Variants in SLCO1B1 observed in about 807,000 individuals in gnomAD.
SLCO1B1 encodes OATP-2.
Under a neutral mutation model 70.1 loss-of-function variants are expected in SLCO1B1, and 81 were observed. That is an observed-to-expected ratio of 1.16 (90% CI 0.97 to 1.39). The LOEUF is 1.39. SLCO1B1 is among the 40% of genes most tolerant of loss of function. The pLI, the probability that SLCO1B1 is intolerant of heterozygous loss-of-function variation, is 0.00. For missense variants in SLCO1B1, 895 were observed against 799.6 expected (o/e 1.12, Z -1.44); for synonymous variants, 283 against 271.5 (o/e 1.04, Z -0.42).
chr12:21,231,531 GAC>G (rs1941538031), intron 14 of SLCO1B1, among the ~76,000 whole-genome samples: 1 of 151,718 alleles, frequency 6.6e-6, no homozygotes, highest in Non-Finnish European at 1.5e-5. Flanking sequence ...GGGGCAAAAA[GAC>G]AGACTGAGGA....
At chr12:21,186,516 A>G (rs1940963581) in intron 7 of SLCO1B1, among the ~76,000 whole-genome samples, 1 of 152,102 alleles carries the variant, frequency 6.6e-6, no homozygotes, top group Non-Finnish European at 1.5e-5. Context: ...ATGAATTGCC[A>G]CTAGTGATGC....
At chr12:21,185,841 G>GA (rs1039898718) in intron 7 of SLCO1B1, among the ~76,000 whole-genome samples, 2 of 151,726 alleles carry the variant, frequency 1.3e-5, no homozygotes, top group Non-Finnish European at 2.9e-5. Flanking sequence ...GATTAACAAG[G>GA]AAAAAAAGGA....
At chr12:21,182,266 A>G (rs1208888331) in intron 7 of SLCO1B1, among the ~76,000 whole-genome samples, 1 of 152,088 alleles carries the variant, frequency 6.6e-6, no homozygotes, top group Non-Finnish European at 1.5e-5. Flanking sequence ...CTGGGATCCT[A>G]CCTACAAGAG....
In SLCO1B1 at chr12:21,207,368, C is replaced by G. The variant is rs571171883; in HGVS notation, c.1497+1335C>G. Among the ~76,000 whole-genome samples the G allele has an allele frequency of 2.0e-3, 311 of 152,050 alleles. 1 individual carries two copies. The highest frequency in any genetic ancestry group is 5.9e-3 in the Admixed American group (90 of 15,216). ...GTGTGGACCCAGTGATTAGCTTCCA[C>G]TTATAAGTGAGAACATGTGGCATCT... On this transcript the variant is annotated intron_variant, in intron 11 of 14. Transcript: ENST00000256958.
chr12:21,207,417 C>T (rs1253646037), intron 11 of SLCO1B1, among the ~76,000 whole-genome samples: 2 of 151,960 alleles, frequency 1.3e-5, no homozygotes, highest in African/African-American at 2.4e-5. Flanking sequence ...TATGTTAATT[C>T]ACTTAAGATA....
chr12:21,215,721 C>CA (rs1002542569), intron 11 of SLCO1B1, among the ~76,000 whole-genome samples: 86 of 152,104 alleles, frequency 5.7e-4, no homozygotes, highest in African/African-American at 1.8e-3. Context: ...ATTCTGGCTT[C>CA]AAAAAAATCA....
intron 2 of SLCO1B1, among the ~76,000 whole-genome samples, chr12:21,168,183 A>G (rs1420440202): frequency 6.6e-6 from 1 of 150,488 alleles, no homozygotes; most frequent in Non-Finnish European, 1.5e-5. Context: ...TGGCTTATTT[A>G]GCTTAGCATA....
In SLCO1B1 at chr12:21,217,300, TTAAG is replaced by T. The variant is rs780849037; in HGVS notation, c.1682+4_1682+7del. ...GGCACCTCACATGTCATGCTGATTG[TTAAG>T]TAAGTATGACTTTTAAAAACATTTT... On this transcript the variant is annotated splice_donor_variant and coding_sequence_variant, in exon 12 of 15. Transcript: ENST00000256958. LOFTEE classifies it high-confidence loss of function. 15 of 1,612,874 alleles carry T rather than the reference TTAAG, an allele frequency of 9.3e-6. No individual in the cohort carries two copies. Among genetic ancestry groups the T allele is most frequent in the East Asian group, 2.2e-5 (1 of 44,826 alleles).
chr12:21,137,765 T>C (rs1364274150), intron 1 of SLCO1B1, among the ~76,000 whole-genome samples: 1 of 152,222 alleles, frequency 6.6e-6, no homozygotes, highest in Non-Finnish European at 1.5e-5. Context: ...GAAAGGGAAT[T>C]CCCTGACCCC....
intron 2 of SLCO1B1, among the ~76,000 whole-genome samples, chr12:21,154,633 A>G (rs1254151827): frequency 6.6e-6 from 1 of 152,086 alleles, no homozygotes; most frequent in Non-Finnish European, 1.5e-5. Flanking sequence ...TCTAGACACT[A>G]TGACTATTTT....
intron 10 of SLCO1B1, among the ~76,000 whole-genome samples, chr12:21,203,626 G>T (rs952789076): frequency 1.3e-4 from 19 of 151,988 alleles, no homozygotes; most frequent in Non-Finnish European, 1.5e-5. Context: ...GCTTGCCAAG[G>T]TTATCTGAAA....
intron 8 of SLCO1B1, among the ~76,000 whole-genome samples, chr12:21,199,486 T>C (rs1941131418): frequency 6.6e-6 from 1 of 152,112 alleles, no homozygotes; most frequent in African/African-American, 2.4e-5. Flanking sequence ...CACAATATTA[T>C]CCCCTGGCTG....
At chr12:21,214,946 G>A (rs1042947526) in intron 11 of SLCO1B1, among the ~76,000 whole-genome samples, 10 of 151,934 alleles carry the variant, frequency 6.6e-5, no homozygotes, top group East Asian at 3.9e-4. Flanking sequence ...CGCACCCACT[G>A]ACCTGCGCCC....
intron 7 of SLCO1B1, among the ~76,000 whole-genome samples, chr12:21,190,701 C>T (rs1251400998): frequency 6.6e-6 from 1 of 152,042 alleles, no homozygotes; most frequent in Non-Finnish European, 1.5e-5. Flanking sequence ...CTCCTAAATC[C>T]ACCACATCAA....
In SLCO1B1 at chr12:21,239,534, T is replaced by G. The variant is rs1382717752; in HGVS notation, c.*345T>G. ...AAATGAGTATCATACAGGTAGAGGT[T>G]AAAAAGGAGGAGCTAGATTCATATC... On this transcript the variant is annotated 3_prime_UTR_variant, in exon 15 of 15. Coordinates refer to ENST00000256958, the MANE Select transcript of SLCO1B1 (RefSeq NM_006446.5). Among the ~76,000 whole-genome samples the G allele has an allele frequency of 6.6e-6, 1 of 152,156 alleles. No individual in the cohort carries two copies. Among genetic ancestry groups the G allele is most frequent in the African/African-American group, 2.4e-5 (1 of 41,454 alleles).
intron 11 of SLCO1B1, among the ~76,000 whole-genome samples, chr12:21,211,179 A>G (rs1366653460): frequency 1.3e-5 from 2 of 152,160 alleles, no homozygotes; most frequent in Admixed American, 1.3e-4. Flanking sequence ...CCCATTCAGT[A>G]TGATATTGGC....
intron 2 of SLCO1B1, among the ~76,000 whole-genome samples, chr12:21,148,055 G>T (rs2121052759): frequency 6.6e-6 from 1 of 152,212 alleles, no homozygotes; most frequent in South Asian, 2.1e-4. Flanking sequence ...TGATGGCATT[G>T]TTTGTTTCTT....
chr12:21,209,640 T>C (rs1941256013), intron 11 of SLCO1B1, among the ~76,000 whole-genome samples: 1 of 152,030 alleles, frequency 6.6e-6, no homozygotes, highest in South Asian at 2.1e-4. Context: ...CCACACTGAC[T>C]TCCACAATGG....
Position 21,205,850 on chromosome 12 carries a change from T to C in SLCO1B1, c.1332-18T>C. On this transcript the variant is annotated intron_variant, in intron 10 of 14. Transcript: ENST00000256958. ...TCTCTCTCTCTCTTTTTGATATATG[T>C]CTATCATATATTTCCAGAAATAATC... 6.5e-7 allele frequency: 1 copy of C among 1,548,964 alleles called. No individual in the cohort carries two copies. Among genetic ancestry groups the C allele is most frequent in the South Asian group, 1.1e-5 (1 of 89,374 alleles).
Sources: allele counts gnomAD v4.1 joint callset (sites outside exome capture counted in the v4.1 genomes callset), GRCh38; gene constraint gnomAD v4.1.1; transcripts MANE v1.5; gene names NCBI Gene and HGNC (gene_info 2026-07-23, HGNC 2026-07-21).